Variants in ITPR2 observed in about 807,000 individuals in gnomAD.
ITPR2 encodes inositol 1,4,5-trisphosphate-gated calcium channel ITPR2.
Under a neutral mutation model 317.1 loss-of-function variants are expected in ITPR2, and 207 were observed. The ratio of observed to expected loss-of-function variants is 0.65; its 90% CI spans 0.58 to 0.73. ITPR2 has a LOEUF of 0.73. Ranked by LOEUF, ITPR2 falls within the 30% of genes least tolerant of loss-of-function variation. The pLI, the probability that ITPR2 is intolerant of heterozygous loss-of-function variation, is 0.00. For missense variants in ITPR2, 2,613 were observed against 3,284.0 expected (o/e 0.80, Z 4.99); for synonymous variants, 1,156 against 1,149.1 (o/e 1.01, Z -0.12).
At chr12:26,619,475 C>T (rs1298269327) in intron 26 of ITPR2, among the ~76,000 whole-genome samples, 1 of 152,148 alleles carries the variant, frequency 6.6e-6, no homozygotes, top group Non-Finnish European at 1.5e-5. Flanking sequence ...TCCTGTACTC[C>T]ACTGGTGTAG....
At chr12:26,746,022 A>G (rs373752202) in intron 2 of ITPR2, among the ~76,000 whole-genome samples, 1 of 152,306 alleles carries the variant, frequency 6.6e-6, no homozygotes, top group African/African-American at 2.4e-5. Flanking sequence ...TTTTTTGTAT[A>G]GATCCTCATC....
At chr12:26,576,130 G>C (rs1488592301) in intron 34 of ITPR2, among the ~76,000 whole-genome samples, 1 of 152,114 alleles carries the variant, frequency 6.6e-6, no homozygotes, top group African/African-American at 2.4e-5. Flanking sequence ...CTTTTCCTTT[G>C]ATTTTATCTT....
intron 39 of ITPR2, among the ~76,000 whole-genome samples, chr12:26,488,579 C>T (rs977117847): frequency 6.6e-6 from 1 of 152,172 alleles, no homozygotes; most frequent in East Asian, 1.9e-4. Context: ...GGGCAAGCAA[C>T]CCTCAAGAAA....
At position 26,737,066 on chromosome 12, in the gene ITPR2, T is replaced by A. The variant is rs144249367; in HGVS notation, c.164-11301A>T. On this transcript the variant is annotated intron_variant, in intron 2 of 56. Transcript: ENST00000381340. ...ATATTGATCCAGGATCAAAGAAAATTTCAGTTCCATGCAAGGGGAAACTCG... is the reference window on the plus strand; with the variant it reads ...ATATTGATCCAGGATCAAAGAAAATATCAGTTCCATGCAAGGGGAAACTCG... Among the ~76,000 whole-genome samples the A allele has an allele frequency of 1.3e-4, 20 of 152,084 alleles. No homozygotes were observed. In the East Asian group the frequency reaches 2.3e-3, roughly 18 times the overall value.
rs139702387 is a variant in ITPR2 at position 26,481,395 on chromosome 12, G to A, written c.6013-154C>T. ...GCATTTGACTTATTCTTTTGTATAG[G>A]GTCTGGCAATTAATTGATTAGTATT... On this transcript the variant is annotated intron_variant, in intron 42 of 56. Coordinates refer to ENST00000381340, the MANE Select transcript of ITPR2 (RefSeq NM_002223.4). Among the ~76,000 whole-genome samples the A allele has an allele frequency of 1.5e-3, 225 of 152,230 alleles. 1 individual carries two copies. In the Middle Eastern group the frequency reaches 0.017, roughly 12 times the overall value.
At chr12:26,596,646 CAAAAAAAA>C (rs35579016) in intron 31 of ITPR2, among the ~76,000 whole-genome samples, 1 of 87,446 alleles carries the variant, frequency 1.1e-5, no homozygotes, top group East Asian at 4.1e-4. Context: ...AACTCTGTCT[CAAAAAAAA>C]AAAAAAAAAA....
intron 1 of ITPR2, among the ~76,000 whole-genome samples, chr12:26,808,213 A>G (rs527350306): frequency 6.6e-6 from 1 of 152,346 alleles, no homozygotes; most frequent in South Asian, 2.1e-4. Flanking sequence ...GGTGTCATCA[A>G]TGGAGCCCTT....
intron 32 of ITPR2, among the ~76,000 whole-genome samples, chr12:26,588,471 C>T (rs886749367): frequency 3.3e-5 from 5 of 151,990 alleles, no homozygotes; most frequent in Non-Finnish European, 2.9e-5. Flanking sequence ...TAAAATGAGC[C>T]CTTTTGAATG....
At chr12:26,522,459 T>A (rs1488621638) in intron 37 of ITPR2, among the ~76,000 whole-genome samples, 1 of 152,224 alleles carries the variant, frequency 6.6e-6, no homozygotes, top group Admixed American at 6.5e-5. Flanking sequence ...GCCCAGTTTG[T>A]GGGTCAGTGT....
At chr12:26,803,042 C>A (rs917673415) in intron 1 of ITPR2, among the ~76,000 whole-genome samples, 1 of 152,036 alleles carries the variant, frequency 6.6e-6, no homozygotes, top group African/African-American at 2.4e-5. Context: ...TTTTCATATC[C>A]CCATTCTGTT....
intron 49 of ITPR2, 71 bp from the exon 50 acceptor site, chr12:26,419,284 T>C (rs1940817286): frequency 1.3e-5 from 18 of 1,373,920 alleles, no homozygotes; most frequent in Non-Finnish European, 1.8e-5. Context: ...AAACTACTAT[T>C]CATAGTCCAT....
chr12:26,338,126 A>C lies in ITPR2; in HGVS notation c.*1271T>G, dbSNP rs997038400. On this transcript the variant is annotated 3_prime_UTR_variant, in exon 57 of 57. Transcript: ENST00000381340. The stretch of plus-strand genomic sequence containing the variant: ...CCAGAGTCTGGTATCAAGTGTCTTC[A>C]CTCCCTGTCACATCACTTTTTTCCC... 2.0e-5 allele frequency: 3 copies of C among 151,938 alleles called. No homozygotes were observed. 9.4% of individuals were successfully genotyped at this position (151,938 alleles called of 1,614,324 possible).
chr12:26,401,940 C>G (rs993089129), intron 52 of ITPR2, among the ~76,000 whole-genome samples: 16 of 152,302 alleles, frequency 1.1e-4, no homozygotes, highest in African/African-American at 3.8e-4. Flanking sequence ...GCATCAAAGA[C>G]ATTGGCAGAA....
chr12:26,657,829 A>G lies in ITPR2; in HGVS notation c.2070T>C (p.Asp690=), dbSNP rs775656124. 9 of 1,614,172 alleles carry G rather than the reference A, an allele frequency of 5.6e-6. No homozygotes were observed. Among genetic ancestry groups the G allele is most frequent in the South Asian group, 1.1e-5 (1 of 91,080 alleles). Residue 690 remains aspartate (D), a synonymous_variant, in exon 18 of 57, where the codon GAT becomes GAC. Coordinates refer to ENST00000381340, the MANE Select transcript of ITPR2 (RefSeq NM_002223.4). ...CAATCCAATAGAGCCAAACTTCTTCATCATCAATGTCATCTGAAAGGATGG... is the reference window on the plus strand; with the variant it reads ...CAATCCAATAGAGCCAAACTTCTTCGTCATCAATGTCATCTGAAAGGATGG... The part of the protein sequence containing the change: ...ESSILSDDID[D]EEVWLYWIDS...
chr12:26,402,388 AG>A (rs1254549606), intron 52 of ITPR2, among the ~76,000 whole-genome samples: 1 of 152,170 alleles, frequency 6.6e-6, no homozygotes, highest in Non-Finnish European at 1.5e-5. Flanking sequence ...GTCATGTCAC[AG>A]GTGTTTGTTA....
chr12:26,439,244 A>T lies in ITPR2; in HGVS notation c.6526T>A (p.Ser2176Thr). 1 of 1,613,166 alleles carries T rather than the reference A, an allele frequency of 6.2e-7. No homozygotes were observed. Among genetic ancestry groups the T allele is most frequent in the Admixed American group, 1.7e-5 (1 of 59,924 alleles). The part of the protein sequence containing the change: ...PNICEYLTRE[S>T]KCRVFNTTER... ...GTTGTATTGAACACACGGCACTTGG[A>T]TTCTCGAGTGAGGTATTCACATATA... is the stretch of plus-strand genomic sequence containing the variant. The change falls in exon 47 of 57, where the codon TCC becomes ACC. Residue 2176 changes from serine (S) to threonine (T), a missense_variant. This residue lies in a region of ITPR2 where 926 missense variants were observed against 1,072.8 expected (regional missense o/e 0.86). Coordinates refer to ENST00000381340, the MANE Select transcript of ITPR2 (RefSeq NM_002223.4).
rs564491604 is a variant in ITPR2 at position 26,342,946 on chromosome 12, G to A, written c.7858-2618C>T. Among the ~76,000 whole-genome samples, 49 of 152,108 alleles carry A rather than the reference G, an allele frequency of 3.2e-4. No individual in the cohort carries two copies. In the South Asian group the frequency reaches 9.0e-3, roughly 28 times the overall value. ...TAGGAGCCTGGATGGGTTCTCGGGG[G>A]AGTGGATTAGTTCCCATGAGAGTGC... On this transcript the variant is annotated intron_variant, in intron 55 of 56. Transcript: ENST00000381340.
At chr12:26,473,475 C>T (rs1942341119) in intron 45 of ITPR2, among the ~76,000 whole-genome samples, 1 of 152,164 alleles carries the variant, frequency 6.6e-6, no homozygotes, top group African/African-American at 2.4e-5. Flanking sequence ...AGACAACCTC[C>T]CCCATACAAA....
chr12:26,474,718 C>T (rs1433602413), intron 45 of ITPR2, among the ~76,000 whole-genome samples: 7 of 133,346 alleles, frequency 5.2e-5, no homozygotes, highest in South Asian at 2.5e-4. Context: ...GGCGTGAACC[C>T]GGGAGGCGGA....
Sources: gnomAD v4.1 joint callset for allele counts (sites outside exome capture counted in the v4.1 genomes callset) on GRCh38, gnomAD v4.1.1 for gene constraint, gnomAD v4.1.1 regional missense constraint, MANE v1.5 for transcripts, NCBI Gene and HGNC (gene_info 2026-07-23, HGNC 2026-07-21) for gene names.